The following LAMA2 variants were observed in gnomAD, a reference collection of about 807,000 sequenced individuals.
LAMA2 encodes the protein laminin subunit alpha-2.
A neutral mutation model predicts 364.8 loss-of-function variants in LAMA2; 269 were observed. The observed-to-expected ratio is 0.74, with a 90% CI of 0.67 to 0.82. LAMA2 has a LOEUF of 0.82. Among genes scored for constraint, LAMA2 ranks in the 40% least tolerant of loss-of-function variants. The probability of loss-of-function intolerance (pLI) is 0.00; values close to 1 mark genes in which losing one functional copy is unlikely to be tolerated. For missense variants in LAMA2, 3,807 were observed against 3,873.2 expected (o/e 0.98, Z 0.45); for synonymous variants, 1,379 against 1,370.6 (o/e 1.01, Z -0.14).
intron 2 of LAMA2, among the ~76,000 whole-genome samples, chr6:129,051,599 T>C (rs1309634525): frequency 6.7e-6 from 1 of 150,042 alleles, no homozygotes; most frequent in Non-Finnish European, 1.5e-5. Flanking sequence ...TAATATTATT[T>C]CATATATAAT....
chr6:129,508,308 T>G (rs1562636308), intron 62 of LAMA2, among the ~76,000 whole-genome samples: 1 of 152,220 alleles, frequency 6.6e-6, no homozygotes, highest in Non-Finnish European at 1.5e-5. Flanking sequence ...AGGCATGCAA[T>G]GCATAATAAT....
chr6:128,888,110 C>T (rs1386330326), intron 1 of LAMA2, among the ~76,000 whole-genome samples: 1 of 152,106 alleles, frequency 6.6e-6, no homozygotes, highest in Admixed American at 6.6e-5. Flanking sequence ...GGAATTTAGG[C>T]AGAAGCTCCG....
Position 129,465,142 on chromosome 6 carries a change from TAGAG to T in LAMA2, c.7157_7160del (p.Arg2386IlefsTer3). 1.2e-6 allele frequency: 2 copies of T among 1,607,420 alleles called. No homozygotes were observed. The highest frequency in any genetic ancestry group is 1.7e-6 in the Non-Finnish European group (2 of 1,174,546). On this transcript the variant is annotated splice_acceptor_variant and coding_sequence_variant, in exon 51 of 65. Coordinates refer to ENST00000421865, the MANE Select transcript of LAMA2 (RefSeq NM_000426.4). LOFTEE classifies it high-confidence loss of function. ...CACTGGGGTATGTTTACTCTATTAA[TAGAG>T]AGATTTCATGAGTGTGGAGCTCACT... is the stretch of plus-strand genomic sequence containing the variant.
intron 51 of LAMA2, among the ~76,000 whole-genome samples, chr6:129,472,721 C>G (rs1050861914): frequency 6.6e-6 from 1 of 151,968 alleles, no homozygotes; most frequent in Non-Finnish European, 1.5e-5. Flanking sequence ...CCTTCCACTT[C>G]CATGTACAAT....
chr6:129,171,343 T>C (rs1445362851), intron 9 of LAMA2, among the ~76,000 whole-genome samples: 1 of 152,200 alleles, frequency 6.6e-6, no homozygotes, highest in Non-Finnish European at 1.5e-5. Flanking sequence ...TAGTGCTTCC[T>C]TCAGGAGCTC....
intron 62 of LAMA2, among the ~76,000 whole-genome samples, chr6:129,511,828 T>C (rs1393835714): frequency 6.6e-6 from 1 of 151,436 alleles, no homozygotes; most frequent in Non-Finnish European, 1.5e-5. Flanking sequence ...CCATCAACAT[T>C]GTACTTACAG....
At position 129,478,814 on chromosome 6, in the gene LAMA2, G is replaced by A. The variant is rs1554305006; in HGVS notation, c.7572+1G>A. ...TGTTACCAAAGGATGTTCCCTGGAG[G>A]TTGGTCTGTTTTTGATAGTTCTCTA... is the stretch of plus-strand genomic sequence containing the variant. On this transcript the variant is annotated splice_donor_variant, in intron 54 of 64. Transcript: ENST00000421865. LOFTEE classifies it high-confidence loss of function. 1.9e-6 allele frequency: 3 copies of A among 1,612,810 alleles called. No homozygotes were observed. The highest frequency in any genetic ancestry group is 2.5e-6 in the Non-Finnish European group (3 of 1,179,008).
chr6:128,993,649 A>G (rs4599677), intron 1 of LAMA2, among the ~76,000 whole-genome samples: 14,711 of 152,166 alleles, frequency 0.097, 908 homozygotes, highest in Middle Eastern at 0.18. Context: ...TTTGATGTAA[A>G]AAGATTGTTT....
chr6:128,898,382 A>G (rs999551734), intron 1 of LAMA2, among the ~76,000 whole-genome samples: 2 of 152,114 alleles, frequency 1.3e-5, no homozygotes, highest in Non-Finnish European at 2.9e-5. Context: ...CTCTTTTCCC[A>G]TCAGCTTTTC....
At chr6:129,314,544 T>C in intron 23 of LAMA2, 111 bp from the exon 24 acceptor site, 1 of 917,994 alleles carries the variant, frequency 1.1e-6, no homozygotes, top group South Asian at 1.4e-5. Context: ...AGTGTTCTTC[T>C]GTTTTGTTTT....
At chr6:128,898,689 A>G (rs1007720706) in intron 1 of LAMA2, among the ~76,000 whole-genome samples, 3 of 152,234 alleles carry the variant, frequency 2.0e-5, no homozygotes, top group African/African-American at 7.2e-5. Context: ...AACTCTGAAA[A>G]TAGTAAATCA....
At chr6:129,321,163 A>G (rs1774942311) in intron 28 of LAMA2, among the ~76,000 whole-genome samples, 1 of 152,190 alleles carries the variant, frequency 6.6e-6, no homozygotes, top group African/African-American at 2.4e-5. Flanking sequence ...TTACATTTTA[A>G]AAGTAATTTT....
chr6:129,505,145 T>A, intron 60 of LAMA2, 55 bp from the exon 61 acceptor site: 1 of 1,469,570 alleles, frequency 6.8e-7, no homozygotes, highest in Non-Finnish European at 9.5e-7. Flanking sequence ...TCTTATACTC[T>A]GCATATGTGA....
Position 129,379,004 on chromosome 6 carries a change from C to T in LAMA2, c.4960-4118C>T, listed in dbSNP as rs867147560. Among the ~76,000 whole-genome samples, 41 of 152,290 alleles carry T rather than the reference C, an allele frequency of 2.7e-4. 1 individual carries two copies. The highest frequency in any genetic ancestry group is 9.4e-4 in the African/African-American group (39 of 41,556). ...GGCTAAAGAAAATGTGGTACATACA[C>T]ACCATGGAATACTATGCAGCCATAA... On this transcript the variant is annotated intron_variant, in intron 34 of 64. Coordinates refer to ENST00000421865, the MANE Select transcript of LAMA2 (RefSeq NM_000426.4).
intron 60 of LAMA2, 28 bp from the exon 61 acceptor site, chr6:129,505,172 G>A: frequency 6.2e-7 from 1 of 1,602,722 alleles, no homozygotes; most frequent in Non-Finnish European, 8.5e-7. Context: ...TTCAGGATTG[G>A]CATTAATGAC....
intron 46 of LAMA2, among the ~76,000 whole-genome samples, chr6:129,453,486 C>T (rs977446977): frequency 2.0e-5 from 3 of 152,054 alleles, no homozygotes; most frequent in African/African-American, 7.2e-5. Flanking sequence ...AACTAAATTA[C>T]AATAAACTCT....
At chr6:129,118,223 C>T (rs977664681) in intron 4 of LAMA2, among the ~76,000 whole-genome samples, 2 of 152,146 alleles carry the variant, frequency 1.3e-5, no homozygotes, top group Non-Finnish European at 2.9e-5. Flanking sequence ...GAAGAATGCT[C>T]ATCTTACAGA....
intron 9 of LAMA2, among the ~76,000 whole-genome samples, chr6:129,172,919 G>A (rs1293709661): frequency 2.0e-5 from 3 of 152,222 alleles, no homozygotes; most frequent in Admixed American, 2.0e-4. Flanking sequence ...TATTCCGGTG[G>A]GAGTGACCCG....
rs1030405021 is a variant in LAMA2, at chr6:129,328,553, A to G, written c.4311+141A>G. The G allele has an allele frequency of 7.4e-6, 10 of 1,356,724 alleles. No individual in the cohort carries two copies. The African/African-American group carries it at 1.1e-4, about 16-fold the overall frequency. The allele number at this position is 1,356,724 out of a possible 1,614,324, so 84.0% of individuals were successfully genotyped here. ...AATAAAATATGTAAGGGAAAAAGATATTCACAGATTCTGCATTTTAAAAAG... is the reference window on the plus strand; with the variant it reads ...AATAAAATATGTAAGGGAAAAAGATGTTCACAGATTCTGCATTTTAAAAAG... On this transcript the variant is annotated intron_variant, in intron 29 of 64. Coordinates refer to ENST00000421865, the MANE Select transcript of LAMA2 (RefSeq NM_000426.4).
Sources: gnomAD v4.1 joint callset for allele counts (sites outside exome capture counted in the v4.1 genomes callset) on GRCh38, gnomAD v4.1.1 for gene constraint, MANE v1.5 for transcripts, NCBI Gene and HGNC (gene_info 2026-07-23, HGNC 2026-07-21) for gene names.